DPYSL5: variants seen among roughly 807,000 people sequenced by gnomAD.
DPYSL5 encodes the protein dihydropyrimidinase-related protein 5.
In DPYSL5, 9 loss-of-function variants were observed where a neutral mutation model predicts 58.4. That is an observed-to-expected ratio of 0.15 (90% confidence interval 0.09 to 0.27). DPYSL5 has a LOEUF of 0.27. Ranked by LOEUF, DPYSL5 falls within the 10% of genes least tolerant of loss-of-function variation. DPYSL5 has a pLI of 1.00. For missense variants in DPYSL5, 499 were observed against 770.6 expected (o/e 0.65, Z 4.17); for synonymous variants, 293 against 301.9 (o/e 0.97, Z 0.31).
chr2:26,919,808 T>C (rs1180489927), intron 2 of DPYSL5, among the ~76,000 whole-genome samples: 1 of 152,210 alleles, frequency 6.6e-6, no homozygotes, highest in East Asian at 1.9e-4. Flanking sequence ...ATGAGGTCTC[T>C]GCTCATATGC....
chr2:26,872,231 T>C (rs1663280650), intron 1 of DPYSL5, among the ~76,000 whole-genome samples: 1 of 152,156 alleles, frequency 6.6e-6, no homozygotes, highest in African/African-American at 2.4e-5. Context: ...TGCGGGTGCC[T>C]AAGTAGGGCA....
chr2:26,922,336 C>A (rs894454444), intron 2 of DPYSL5, among the ~76,000 whole-genome samples: 5 of 152,184 alleles, frequency 3.3e-5, no homozygotes, highest in African/African-American at 4.8e-5. Context: ...GCCAACTATC[C>A]CTGAAGTGTA....
At chr2:26,870,792 G>A (rs944359266) in intron 1 of DPYSL5, among the ~76,000 whole-genome samples, 2 of 151,928 alleles carry the variant, frequency 1.3e-5, no homozygotes, top group African/African-American at 2.4e-5. Flanking sequence ...TGGACTGGCA[G>A]AGGCAGGGAA....
Position 26,940,031 on chromosome 2 carries a change from T to C in DPYSL5, c.948T>C (p.Asn316=). 1.2e-6 allele frequency: 2 copies of C among 1,614,140 alleles called. No individual in the cohort carries two copies. The highest frequency in any genetic ancestry group is 1.7e-6 in the Non-Finnish European group (2 of 1,180,012). The change falls in exon 9 of 13, where the codon AAT becomes AAC. Residue 316 remains asparagine, a splice_region_variant and synonymous_variant. Coordinates refer to ENST00000288699, the MANE Select transcript of DPYSL5 (RefSeq NM_020134.4). ...TGGTCACCTCCTTTTCTCTACCCAGTGACACTCTGAACATCGTGGCATCAG... is the reference window on the plus strand; with the variant it reads ...TGGTCACCTCCTTTTCTCTACCCAGCGACACTCTGAACATCGTGGCATCAG... The part of the protein sequence containing the change: ...TSTYLMSLLA[N]DTLNIVASDH...
intron 12 of DPYSL5, among the ~76,000 whole-genome samples, 160 bp from the exon 13 acceptor site, chr2:26,946,750 T>G (rs950408162): frequency 3.9e-5 from 5 of 126,702 alleles, no homozygotes; most frequent in African/African-American, 8.2e-5. Flanking sequence ...GCAAGTCACT[T>G]AACTTCCCTG....
At chr2:26,916,044 C>G (rs902400687) in intron 2 of DPYSL5, among the ~76,000 whole-genome samples, 1 of 152,106 alleles carries the variant, frequency 6.6e-6, no homozygotes, top group Non-Finnish European at 1.5e-5. Flanking sequence ...TCAGCTCTAT[C>G]TCCATGTGTC....
chr2:26,861,659 C>A (rs1187182842), intron 1 of DPYSL5, among the ~76,000 whole-genome samples: 1 of 152,100 alleles, frequency 6.6e-6, no homozygotes, highest in Non-Finnish European at 1.5e-5. Flanking sequence ...TCATGTAGAG[C>A]ATTCATTTCA....
chr2:26,854,642 A>G (rs1199838010), intron 1 of DPYSL5, among the ~76,000 whole-genome samples: 1 of 152,168 alleles, frequency 6.6e-6, no homozygotes, highest in Non-Finnish European at 1.5e-5. Context: ...TTAAAATAGA[A>G]TTTGGACCTC....
intron 2 of DPYSL5, among the ~76,000 whole-genome samples, chr2:26,903,066 CT>C (rs537308074): frequency 0.012 from 1,792 of 144,300 alleles, 19 homozygotes; most frequent in African/African-American, 0.038. Context: ...CCTCTACTTT[CT>C]TTTTTTTTTT....
chr2:26,918,885 G>A (rs1182274676), intron 2 of DPYSL5, among the ~76,000 whole-genome samples: 1 of 152,282 alleles, frequency 6.6e-6, no homozygotes, highest in Non-Finnish European at 1.5e-5. Flanking sequence ...TAGCCCAAGT[G>A]CCTTCTCAAT....
intron 1 of DPYSL5, among the ~76,000 whole-genome samples, chr2:26,855,064 C>T (rs1243228705): frequency 1.3e-5 from 2 of 151,804 alleles, no homozygotes; most frequent in Admixed American, 6.6e-5. Flanking sequence ...GTGATCCGCC[C>T]GCCTCAGCTT....
intron 2 of DPYSL5, among the ~76,000 whole-genome samples, chr2:26,919,544 T>G (rs1249287173): frequency 6.6e-6 from 1 of 152,236 alleles, no homozygotes; most frequent in Non-Finnish European, 1.5e-5. Context: ...TCTCTGTTAA[T>G]TTAATAGTGA....
chr2:26,941,605 A>G (rs894069981), intron 9 of DPYSL5, among the ~76,000 whole-genome samples: 7 of 152,242 alleles, frequency 4.6e-5, no homozygotes, highest in African/African-American at 1.7e-4. Flanking sequence ...CCCTTTGAAA[A>G]TATCACCCTT....
intron 2 of DPYSL5, among the ~76,000 whole-genome samples, chr2:26,902,940 A>G (rs1250256455): frequency 6.6e-6 from 1 of 152,222 alleles, no homozygotes; most frequent in African/African-American, 2.4e-5. Context: ...TGGTCTAAAA[A>G]AAAGGAGGCA....
At chr2:26,862,908 T>G (rs1007156999) in intron 1 of DPYSL5, among the ~76,000 whole-genome samples, 6 of 152,220 alleles carry the variant, frequency 3.9e-5, no homozygotes, top group African/African-American at 1.4e-4. Flanking sequence ...AAGCTGTTTC[T>G]GCCTGCCCCT....
intron 2 of DPYSL5, among the ~76,000 whole-genome samples, chr2:26,916,981 TTAC>T (rs1170688439): frequency 6.6e-6 from 1 of 152,230 alleles, no homozygotes; most frequent in African/African-American, 2.4e-5. Context: ...TCATGAATAT[TTAC>T]TGGGCTCCTA....
chr2:26,929,125 G>A (rs1271071838), intron 5 of DPYSL5, among the ~76,000 whole-genome samples: 3 of 152,156 alleles, frequency 2.0e-5, no homozygotes, highest in African/African-American at 7.2e-5. Context: ...TCTCATAGAA[G>A]TGTGAAGCCT....
intron 5 of DPYSL5, 46 bp downstream of exon 5, chr2:26,928,369 T>C (rs576586407): frequency 1.3e-6 from 2 of 1,594,614 alleles, no homozygotes; most frequent in Non-Finnish European, 1.7e-6. Flanking sequence ...CTCATGTAGA[T>C]TGACAGAATC....
At chr2:26,908,852 A>T (rs1466770396) in intron 2 of DPYSL5, among the ~76,000 whole-genome samples, 1 of 152,246 alleles carries the variant, frequency 6.6e-6, no homozygotes, top group African/African-American at 2.4e-5. Context: ...CATATTGCAC[A>T]TGAATGCCAT....
Sources: gnomAD v4.1 joint callset for allele counts (sites outside exome capture counted in the v4.1 genomes callset) on GRCh38, gnomAD v4.1.1 for gene constraint, MANE v1.5 for transcripts, NCBI Gene and HGNC (gene_info 2026-07-23, HGNC 2026-07-21) for gene names.